BCL7C: variants seen among roughly 807,000 people sequenced by gnomAD.
BCL7C encodes B-cell CLL/lymphoma 7 protein family member C.
Under a neutral mutation model 26.2 loss-of-function variants are expected in BCL7C, and 8 were observed. That is an observed-to-expected ratio of 0.30 (90% confidence interval 0.18 to 0.55). BCL7C has a LOEUF of 0.55. BCL7C is among the 20% of genes least tolerant of loss of function. BCL7C has a pLI of 0.93. For missense variants in BCL7C, 262 were observed against 298.5 expected (o/e 0.88, Z 0.90); for synonymous variants, 90 against 116.5 (o/e 0.77, Z 1.47).
rs1320630097 is a variant in BCL7C at position 30,840,555 on chromosome 16, G to A, written c.529-5407C>T. ...GTTTTACAAGGGGAAGGCTGTCAAG[G>A]TCTAGTACTACCTGTGACTATGGAT... On this transcript the variant is annotated intron_variant, in intron 5 of 5. Transcript: ENST00000380317. 3.3e-5 allele frequency: 5 copies of A among 152,264 alleles called. No homozygotes were observed. In the East Asian group the frequency reaches 9.6e-4, roughly 29 times the overall value. The allele number at this position is 152,264 out of a possible 1,614,324, so 9.4% of individuals were successfully genotyped here. A position where few individuals can be genotyped will look rare whatever the true frequency, so the allele number is the denominator to read the frequency against.
chr16:30,892,914 G>T lies in BCL7C; in HGVS notation c.206C>A (p.Ser69Tyr). The change falls in exon 3 of 6, where the codon TCC (serine) becomes TAC (tyrosine). Residue 69 changes from serine to tyrosine, a missense_variant. Ser to Tyr is a moderately radical substitution (Grantham distance 144). Transcript: ENST00000215115. The part of the protein sequence containing the change: ...RRRAGGGAER[S>Y]RGRERRGRGA... ...CCTGCCCCGACGTTCCCGGCCACGG[G>T]ATCTCTCTGCCCCGCCACCTGCCCG... 1 of 1,613,100 alleles carries T rather than the reference G, an allele frequency of 6.2e-7. No homozygotes were observed. Among genetic ancestry groups the T allele is most frequent in the Non-Finnish European group, 8.5e-7 (1 of 1,179,962 alleles).
At chr16:30,891,254 G>T (rs2055227471) in intron 4 of BCL7C, among the ~76,000 whole-genome samples, 1 of 151,156 alleles carries the variant, frequency 6.6e-6, no homozygotes. Flanking sequence ...CCTGAGGTCA[G>T]GCGTTTGAGA....
In BCL7C at chr16:30,893,092, G is replaced by A. The variant is rs2055279828; in HGVS notation, c.171+120C>T. 1 of 1,248,584 alleles carries A rather than the reference G, an allele frequency of 8.0e-7. No individual in the cohort carries two copies. Among genetic ancestry groups the A allele is most frequent in the East Asian group, 2.4e-5 (1 of 41,938 alleles). The allele number at this position is 1,248,584 out of a possible 1,614,324, so 77.3% of individuals were successfully genotyped here. A position where few individuals can be genotyped will look rare whatever the true frequency, so the allele number is the denominator to read the frequency against. On this transcript the variant is annotated intron_variant, in intron 2 of 5. Transcript: ENST00000215115. This position sits in a 1 kb window ranked among gnomAD's most constrained non-coding sequence, Gnocchi z 5.2. ...CAAAAGGGGAGGAGCTGCTAATGAT[G>A]GTTCCCGTCTGTCCTGCTGCATCTG...
intron 5 of BCL7C, among the ~76,000 whole-genome samples, chr16:30,881,382 T>A (rs936015167): frequency 2.8e-4 from 31 of 111,918 alleles, no homozygotes; most frequent in Non-Finnish European, 2.6e-4. Context: ...GGTGACAGAG[T>A]GAGACTCCGT....
intron 5 of BCL7C, among the ~76,000 whole-genome samples, chr16:30,877,193 A>C (rs1596609414): frequency 6.6e-6 from 1 of 151,950 alleles, no homozygotes; most frequent in African/African-American, 2.4e-5. Flanking sequence ...TACCCCACCA[A>C]CCTCCGCCCC....
At chr16:30,846,351 G>A (rs1478094184) in intron 5 of BCL7C, among the ~76,000 whole-genome samples, 3 of 150,770 alleles carry the variant, frequency 2.0e-5, no homozygotes, top group African/African-American at 4.9e-5. Flanking sequence ...TCAGCCTCCC[G>A]AGTAGCTGGG....
chr16:30,835,233 T>A, intron 5 of BCL7C: 1 of 1,252,868 alleles, frequency 8.0e-7, no homozygotes. Context: ...CATTTATGAC[T>A]TCCAAATGGC....
In BCL7C at chr16:30,836,471, C is replaced by CTT. The variant is rs762842983; in HGVS notation, c.529-1325_529-1324dup. On this transcript the variant is annotated intron_variant, in intron 5 of 5. Transcript: ENST00000380317. Reference sequence around the variant, plus strand: ...CTGGGCAACAGAGTTGAGACCCTGTCTTTTTTTTTTTTTTTTTTTTTGAGA... The same window carrying CTT: ...CTGGGCAACAGAGTTGAGACCCTGTCTTTTTTTTTTTTTTTTTTTTTTTGAGA... 2.1e-3 allele frequency among the ~76,000 whole-genome samples: 248 copies of CTT among 116,928 alleles called. 3 individuals carry two copies. The highest frequency in any genetic ancestry group is 6.3e-3 in the African/African-American group (196 of 30,902). 76.7% of individuals were successfully genotyped at this position (116,928 alleles called of 152,430 possible). A position where few individuals can be genotyped will look rare whatever the true frequency, so the allele number is the denominator to read the frequency against.
chr16:30,888,824 CA>C (rs1654075376), intron 5 of BCL7C, 35 bp downstream of exon 5: 1 of 1,605,404 alleles, frequency 6.2e-7, no homozygotes, highest in Admixed American at 1.7e-5. Flanking sequence ...CCATTCCCTC[CA>C]AGACCCAGGA....
chr16:30,886,122 G>T (rs2143129664), downstream of BCL7C, among the ~76,000 whole-genome samples: 1 of 152,298 alleles, frequency 6.6e-6, no homozygotes, highest in South Asian at 2.1e-4. Flanking sequence ...TTACAGGTGT[G>T]AGCCACCACA....
In BCL7C at chr16:30,893,022, A is replaced by C; in HGVS notation, c.172-74T>G. 1 of 1,441,080 alleles carries C rather than the reference A, an allele frequency of 6.9e-7. No individual in the cohort carries two copies. The highest frequency in any genetic ancestry group is 9.6e-7 in the Non-Finnish European group (1 of 1,046,018). 89.3% of individuals were successfully genotyped at this position (1,441,080 alleles called of 1,614,324 possible). On this transcript the variant is annotated intron_variant, in intron 2 of 5. Transcript: ENST00000215115. The surrounding 1 kb of genome is among the most constrained non-coding windows in gnomAD (Gnocchi z 5.2). ...CACCTAAGGAAACTGAGGCACTGAG[A>C]AGCAAAAGGGCTCAAACTCAGGGGG... is the stretch of plus-strand genomic sequence containing the variant.
At chr16:30,835,022 C>T (rs2054560894) in exon 6 of BCL7C, 2 of 1,549,292 alleles carry the variant, frequency 1.3e-6, no homozygotes, top group East Asian at 2.4e-5. Context: ...GCTCTGGTGT[C>T]CGGCACCGCC....
chr16:30,893,499 TG>T lies in BCL7C; in HGVS notation c.93-210del, dbSNP rs1395173154. On this transcript the variant is annotated intron_variant, in intron 1 of 5. Coordinates refer to ENST00000215115, the MANE Select transcript of BCL7C (RefSeq NM_004765.4). This position sits in a 1 kb window ranked among gnomAD's most constrained non-coding sequence, Gnocchi z 5.2. ...GTGCCTCTAGAGAGAGGATATGATT[TG>T]GGGCCCTGGCTCTGCGGACCCCTGG... is the stretch of plus-strand genomic sequence containing the variant. Among the ~76,000 whole-genome samples the T allele has an allele frequency of 2.6e-5, 4 of 152,048 alleles. No homozygotes were observed. The highest frequency in any genetic ancestry group is 2.6e-4 in the Admixed American group (4 of 15,282).
chr16:30,889,567 G>A (rs1371149284), intron 4 of BCL7C, among the ~76,000 whole-genome samples: 1 of 152,016 alleles, frequency 6.6e-6, no homozygotes, highest in African/African-American at 2.4e-5. Context: ...TCGGCTCACT[G>A]CAACCTCCGC....
intron 5 of BCL7C, among the ~76,000 whole-genome samples, chr16:30,848,924 A>T (rs1370662772): frequency 1.3e-5 from 2 of 149,400 alleles, no homozygotes; most frequent in African/African-American, 2.5e-5. Flanking sequence ...GCGGTGGTTC[A>T]TGCCTGTAAT....
At chr16:30,838,800 C>A (rs968066307) in intron 5 of BCL7C, among the ~76,000 whole-genome samples, 21 of 151,818 alleles carry the variant, frequency 1.4e-4, no homozygotes, top group African/African-American at 3.4e-4. Flanking sequence ...AACAAACAAA[C>A]AAAAAAAACC....
chr16:30,835,179 G>A, intron 5 of BCL7C: 1 of 1,440,590 alleles, frequency 6.9e-7, no homozygotes, highest in Non-Finnish European at 9.2e-7. Context: ...TCTGGGTAGT[G>A]TTTCCTCTTC....
At chr16:30,890,670 T>C (rs957968313) in intron 4 of BCL7C, among the ~76,000 whole-genome samples, 3 of 145,378 alleles carry the variant, frequency 2.1e-5, no homozygotes, top group Admixed American at 6.8e-5. Flanking sequence ...GCCAACATGG[T>C]GAAACTCCAT....
chr16:30,879,211 G>A (rs1285032226), intron 5 of BCL7C, among the ~76,000 whole-genome samples: 1 of 152,124 alleles, frequency 6.6e-6, no homozygotes, highest in Non-Finnish European at 1.5e-5. Flanking sequence ...GGGATGCTTG[G>A]TCATGCTAGA....
Sources: gnomAD v4.1 joint callset for allele counts (sites outside exome capture counted in the v4.1 genomes callset) on GRCh38, gnomAD v4.1.1 for gene constraint, Gnocchi (gnomAD v3.1) non-coding constraint, MANE v1.5 for transcripts, NCBI Gene and HGNC (gene_info 2026-07-23, HGNC 2026-07-21) for gene names.